Variants in TMEM108 observed in about 807,000 individuals in gnomAD.
TMEM108 encodes the protein transmembrane protein 108.
In TMEM108, 12 loss-of-function variants were observed where a neutral mutation model predicts 35.1. That is an observed-to-expected ratio of 0.34 (90% CI 0.22 to 0.55). The LOEUF (loss-of-function observed/expected upper bound fraction) is 0.55, where lower values mean the gene tolerates loss of function less well. TMEM108 is among the 20% of genes least tolerant of loss of function. TMEM108 has a pLI of 0.89. For synonymous variants in TMEM108, 287 were observed against 308.6 expected, an observed-to-expected ratio of 0.93 and a Z score of 0.73; for missense variants, 680 against 753.3, an observed-to-expected ratio of 0.90 and a Z score of 1.14.
intron 3 of TMEM108, among the ~76,000 whole-genome samples, chr3:133,366,809 TTGATTA>T: frequency 6.6e-6 from 1 of 152,286 alleles, no homozygotes; most frequent in South Asian, 2.1e-4. Flanking sequence ...TACAGGGAAA[TTGATTA>T]GTACAGTGTT....
At chr3:133,099,989 A>G (rs1333953643) in intron 2 of TMEM108, among the ~76,000 whole-genome samples, 1 of 152,124 alleles carries the variant, frequency 6.6e-6, no homozygotes, top group Non-Finnish European at 1.5e-5. Flanking sequence ...GTACTAATTT[A>G]TGGTATTAGT....
chr3:133,139,056 G>A (rs960669950), intron 2 of TMEM108, among the ~76,000 whole-genome samples: 3 of 151,958 alleles, frequency 2.0e-5, no homozygotes, highest in Admixed American at 6.6e-5. Flanking sequence ...TGAGAATGAT[G>A]GTTTCCAGCT....
At chr3:133,338,473 T>G (rs1227546503) in intron 3 of TMEM108, among the ~76,000 whole-genome samples, 1 of 152,040 alleles carries the variant, frequency 6.6e-6, no homozygotes, top group Non-Finnish European at 1.5e-5. Flanking sequence ...ACTCCAAACC[T>G]GAAGCAGAAA....
chr3:133,185,402 T>G (rs1945404064), intron 2 of TMEM108, among the ~76,000 whole-genome samples: 1 of 151,528 alleles, frequency 6.6e-6, no homozygotes, highest in Non-Finnish European at 1.5e-5. Flanking sequence ...TTACCCTGCC[T>G]TCACTTCTGC....
chr3:133,273,141 G>A (rs1368946941), intron 3 of TMEM108, among the ~76,000 whole-genome samples: 1 of 152,118 alleles, frequency 6.6e-6, no homozygotes. Flanking sequence ...CAAGAACTTT[G>A]CCCTTAATTT....
chr3:133,239,817 C>A (rs1231865148), intron 3 of TMEM108, among the ~76,000 whole-genome samples: 2 of 152,118 alleles, frequency 1.3e-5, no homozygotes, highest in Non-Finnish European at 2.9e-5. Context: ...GAAGTGAGTT[C>A]TGGAATAAAA....
chr3:133,108,402 C>A (rs1232364980), intron 2 of TMEM108, among the ~76,000 whole-genome samples: 1 of 152,022 alleles, frequency 6.6e-6, no homozygotes, highest in Non-Finnish European at 1.5e-5. Context: ...TGTTTTTTGG[C>A]TGCATAAATG....
intron 3 of TMEM108, among the ~76,000 whole-genome samples, chr3:133,283,977 G>A (rs113466698): frequency 8.8e-4 from 131 of 148,058 alleles, no homozygotes; most frequent in African/African-American, 3.2e-3. Context: ...GCACTCAGTC[G>A]TCACATGTGC....
chr3:133,348,264 A>T (rs548952334), intron 3 of TMEM108, among the ~76,000 whole-genome samples: 3 of 152,276 alleles, frequency 2.0e-5, no homozygotes, highest in South Asian at 2.1e-4. Flanking sequence ...TTATATTTTT[A>T]AAATTTAAAT....
chr3:133,040,543 AAAG>A (rs1444512312), intron 1 of TMEM108, among the ~76,000 whole-genome samples: 1 of 152,072 alleles, frequency 6.6e-6, no homozygotes, highest in African/African-American at 2.4e-5. Context: ...AGAGGGGAGA[AAAG>A]AATGCTGAGG....
intron 3 of TMEM108, among the ~76,000 whole-genome samples, chr3:133,369,251 G>A (rs73209829): frequency 0.047 from 7,083 of 152,280 alleles, 206 homozygotes; most frequent in Non-Finnish European, 0.067. Context: ...GGGGAGTTGA[G>A]GGACCTTGAC....
At chr3:133,104,740 T>G (rs903003092) in intron 2 of TMEM108, among the ~76,000 whole-genome samples, 5 of 152,200 alleles carry the variant, frequency 3.3e-5, no homozygotes, top group African/African-American at 4.8e-5. Context: ...GGGAAAACTC[T>G]CAGTGTTCTC....
chr3:133,373,943 T>C (rs1419096081), intron 3 of TMEM108, among the ~76,000 whole-genome samples: 1 of 152,242 alleles, frequency 6.6e-6, no homozygotes, highest in Non-Finnish European at 1.5e-5. Flanking sequence ...CAGGGTCATC[T>C]TGCAGGCTCT....
At chr3:133,378,262 A>C (rs1250386575) in intron 3 of TMEM108, 16 of 873,296 alleles carry the variant, frequency 1.8e-5, no homozygotes, top group Non-Finnish European at 2.1e-5. Context: ...CCCAGGCTCC[A>C]CCACACACCA....
intron 3 of TMEM108, among the ~76,000 whole-genome samples, chr3:133,300,264 G>T (rs367993010): frequency 6.6e-6 from 1 of 152,132 alleles, no homozygotes; most frequent in East Asian, 1.9e-4. Context: ...ATTAATGTCC[G>T]TAGGCAGTAT....
At position 133,380,354 on chromosome 3, in the gene TMEM108, A is replaced by G. The variant is rs1193820024; in HGVS notation, c.643A>G (p.Lys215Glu). The G allele has an allele frequency of 6.2e-7, 1 of 1,613,950 alleles. No individual in the cohort carries two copies. Among genetic ancestry groups the G allele is most frequent in the Non-Finnish European group, 8.5e-7 (1 of 1,180,004 alleles). The change falls in exon 4 of 6, where the codon AAA becomes GAA. Residue 215 changes from lysine (K) to glutamate (E), a missense_variant. Transcript: ENST00000321871. This position sits in a 1 kb window ranked among gnomAD's most constrained non-coding sequence, Gnocchi z 5.3. ...TPLGQKRPLG[K>E]IFQIYKGNFT... ...TCTGGGGCAGAAGCGGCCCCTGGGG[A>G]AAATCTTTCAGATCTACAAGGGCAA...
chr3:133,339,836 A>G (rs75952862), intron 3 of TMEM108, among the ~76,000 whole-genome samples: 59 of 151,986 alleles, frequency 3.9e-4, no homozygotes, highest in African/African-American at 1.3e-3. Context: ...AATAAACATT[A>G]TGCCTCCTGA....
chr3:133,304,898 A>G (rs1420108976), intron 3 of TMEM108, among the ~76,000 whole-genome samples: 2 of 152,122 alleles, frequency 1.3e-5, no homozygotes, highest in Non-Finnish European at 1.5e-5. Flanking sequence ...CTTGACCAAC[A>G]TAGAGAAACC....
intron 2 of TMEM108, among the ~76,000 whole-genome samples, chr3:133,184,719 C>G (rs1422573009): frequency 6.6e-6 from 1 of 152,100 alleles, no homozygotes; most frequent in Non-Finnish European, 1.5e-5. Context: ...GTAGACAAAA[C>G]TGACTCTTGA....
Sources: allele counts gnomAD v4.1 joint callset (sites outside exome capture counted in the v4.1 genomes callset), GRCh38; gene constraint gnomAD v4.1.1; non-coding constraint Gnocchi (gnomAD v3.1); transcripts MANE v1.5; gene names NCBI Gene and HGNC (gene_info 2026-07-23, HGNC 2026-07-21).